The following RELN variants were observed in gnomAD, a reference collection of about 807,000 sequenced individuals.
RELN encodes reelin.
In RELN, 108 loss-of-function variants were observed where a neutral mutation model predicts 427.6. The observed-to-expected ratio is 0.25, with a 90% CI of 0.22 to 0.30. RELN has a LOEUF of 0.30. Among genes scored for constraint, RELN ranks in the 10% least tolerant of loss-of-function variants. RELN has a pLI of 1.00. For synonymous variants in RELN, 1,524 were observed against 1,513.4 expected (o/e 1.01, Z -0.16); for missense variants, 3,715 against 4,302.8 (o/e 0.86, Z 3.82).
intron 2 of RELN, among the ~76,000 whole-genome samples, chr7:103,880,273 C>T (rs1000749000): frequency 6.6e-6 from 1 of 151,918 alleles, no homozygotes; most frequent in African/African-American, 2.4e-5. Flanking sequence ...TCATTTAGAA[C>T]TTGAAAAAAG....
chr7:103,561,422 T>G, intron 36 of RELN, 110 bp downstream of exon 36: 1 of 934,072 alleles, frequency 1.1e-6, no homozygotes, highest in Non-Finnish European at 1.8e-6. Flanking sequence ...AACTATGTAT[T>G]AAATATTATG....
chr7:103,881,042 C>T (rs181073658), intron 2 of RELN, among the ~76,000 whole-genome samples: 17 of 152,190 alleles, frequency 1.1e-4, no homozygotes, highest in Non-Finnish European at 2.4e-4. Flanking sequence ...TAAAGCATGC[C>T]AAGGACTCTT....
chr7:103,817,191 C>A (rs959071271), intron 3 of RELN, among the ~76,000 whole-genome samples: 4 of 152,162 alleles, frequency 2.6e-5, no homozygotes, highest in African/African-American at 9.7e-5. Flanking sequence ...CATATTGATT[C>A]TGTTTTCCAC....
intron 1 of RELN, among the ~76,000 whole-genome samples, chr7:103,938,768 A>T (rs1410312299): frequency 1.3e-5 from 2 of 152,210 alleles, no homozygotes; most frequent in Non-Finnish European, 2.9e-5. Context: ...AGATATGTCA[A>T]TTAAGACTCA....
intron 1 of RELN, among the ~76,000 whole-genome samples, chr7:103,959,745 G>T (rs987943018): frequency 6.6e-6 from 1 of 151,964 alleles, no homozygotes; most frequent in African/African-American, 2.4e-5. Flanking sequence ...CCAGTAGCTG[G>T]GACTACAGCA....
At chr7:103,936,891 A>G (rs1472955418) in intron 1 of RELN, among the ~76,000 whole-genome samples, 1 of 152,194 alleles carries the variant, frequency 6.6e-6, no homozygotes, top group East Asian at 1.9e-4. Flanking sequence ...AAGGATATCC[A>G]TTAACCAATT....
At chr7:103,904,747 C>T (rs774115176) in intron 2 of RELN, among the ~76,000 whole-genome samples, 11 of 152,074 alleles carry the variant, frequency 7.2e-5, no homozygotes, top group Non-Finnish European at 1.6e-4. Flanking sequence ...GAGAAAGGTG[C>T]TGAAGTTAAA....
intron 41 of RELN, among the ~76,000 whole-genome samples, chr7:103,550,101 T>C (rs1428319652): frequency 6.6e-6 from 1 of 152,254 alleles, no homozygotes; most frequent in Non-Finnish European, 1.5e-5. Flanking sequence ...TAGTAAATTA[T>C]ATATTCAACA....
At chr7:103,665,572 G>C (rs958604350) in intron 11 of RELN, among the ~76,000 whole-genome samples, 1 of 152,006 alleles carries the variant, frequency 6.6e-6, no homozygotes, top group African/African-American at 2.4e-5. Flanking sequence ...TGTCTCTTTA[G>C]TTACTGATAA....
intron 16 of RELN, among the ~76,000 whole-genome samples, chr7:103,648,023 A>C (rs1832833112): frequency 6.6e-6 from 1 of 152,062 alleles, no homozygotes; most frequent in African/African-American, 2.4e-5. Context: ...AACTGGACCC[A>C]TATCTCTTAC....
At chr7:103,648,102 A>G (rs754894657) in intron 16 of RELN, among the ~76,000 whole-genome samples, 1 of 152,052 alleles carries the variant, frequency 6.6e-6, no homozygotes, top group Non-Finnish European at 1.5e-5. Context: ...AAAATCCTAG[A>G]AGAAAACTGA....
chr7:103,936,096 T>G (rs1795976640), intron 1 of RELN, among the ~76,000 whole-genome samples: 1 of 120,940 alleles, frequency 8.3e-6, no homozygotes, highest in African/African-American at 3.1e-5. Context: ...ATTGCTTCAA[T>G]GGCTTTTTTT....
At chr7:103,516,333 T>A (rs534064580) in intron 49 of RELN, among the ~76,000 whole-genome samples, 126 of 150,642 alleles carry the variant, frequency 8.4e-4, no homozygotes, top group Non-Finnish European at 1.6e-4. Flanking sequence ...TTGCCCACGC[T>A]GGAGTACAGT....
At position 103,594,426 on chromosome 7, in the gene RELN, G is replaced by A. The variant is rs747919198; in HGVS notation, c.3606C>T (p.Pro1202=). 69 of 1,613,982 alleles carry A rather than the reference G, an allele frequency of 4.3e-5. No homozygotes were observed. Among genetic ancestry groups the A allele is most frequent in the South Asian group, 9.9e-5 (9 of 91,070 alleles). The change falls in exon 26 of 65, where the codon CCC becomes CCT. Residue 1202 remains proline (P), a synonymous_variant. Coordinates refer to ENST00000428762, the MANE Select transcript of RELN (RefSeq NM_005045.4). ...GGTCATAGTCCTCCCCTGAGAACAC[G>A]GGCTGCCACCAGCGGAACCTGGTGC... is the stretch of plus-strand genomic sequence containing the variant. The part of the protein sequence containing the change: ...TPCTRFRWWQ[P]VFSGEDYDQW...
chr7:103,987,540 G>A (rs1481895433), intron 1 of RELN, among the ~76,000 whole-genome samples: 1 of 152,176 alleles, frequency 6.6e-6, no homozygotes, highest in Non-Finnish European at 1.5e-5. Context: ...ATCATAACCT[G>A]ACAGTCACGC....
At chr7:103,604,297 C>G (rs371756928) in intron 23 of RELN, 49 bp downstream of exon 23, 3 of 1,611,672 alleles carry the variant, frequency 1.9e-6, no homozygotes, top group African/African-American at 2.7e-5. Context: ...ATCCTCCAGC[C>G]ACAAATCTTG....
chr7:103,790,466 A>G (rs1168421828), intron 3 of RELN, among the ~76,000 whole-genome samples: 5 of 152,150 alleles, frequency 3.3e-5, no homozygotes, highest in Non-Finnish European at 5.9e-5. Context: ...TTTAAGATGT[A>G]TTTCCAGGCC....
At chr7:103,666,989 C>G (rs1007838495) in intron 11 of RELN, among the ~76,000 whole-genome samples, 5 of 152,162 alleles carry the variant, frequency 3.3e-5, no homozygotes, top group Non-Finnish European at 7.3e-5. Context: ...TATGTTCAGT[C>G]CATCCTGAAC....
At chr7:103,612,437 G>A (rs528873888) in intron 20 of RELN, among the ~76,000 whole-genome samples, 18 of 151,604 alleles carry the variant, frequency 1.2e-4, no homozygotes, top group East Asian at 3.9e-4. Flanking sequence ...CACCATGCCC[G>A]GCTAATTTTG....
Sources: gnomAD v4.1 joint callset for allele counts (sites outside exome capture counted in the v4.1 genomes callset) on GRCh38, gnomAD v4.1.1 for gene constraint, MANE v1.5 for transcripts, NCBI Gene and HGNC (gene_info 2026-07-23, HGNC 2026-07-21) for gene names.